Variants in AHCYL2 observed in about 807,000 individuals in gnomAD.
AHCYL2 encodes S-adenosylhomocysteine hydrolase-like protein 2.
A neutral mutation model predicts 81.4 loss-of-function variants in AHCYL2; 28 were observed. That is an observed-to-expected ratio of 0.34 (90% confidence interval 0.25 to 0.47). The LOEUF (loss-of-function observed/expected upper bound fraction) is 0.47. AHCYL2 is among the 20% of genes least tolerant of loss of function. AHCYL2 has a pLI of 1.00. For synonymous variants in AHCYL2, 272 were observed against 290.2 expected, an observed-to-expected ratio of 0.94 and a Z score of 0.64; for missense variants, 551 against 785.1, an observed-to-expected ratio of 0.70 and a Z score of 3.56.
intron 13 of AHCYL2, among the ~76,000 whole-genome samples, chr7:129,423,449 A>C (rs1214779527): frequency 6.6e-6 from 1 of 152,124 alleles, no homozygotes; most frequent in Admixed American, 6.5e-5. Context: ...ATATTTCCCC[A>C]TCCTAGCTCC....
Position 129,323,667 on chromosome 7 carries a change from A to G in AHCYL2, c.364-55971A>G, listed in dbSNP as rs111697061. On this transcript the variant is annotated intron_variant, in intron 1 of 16. Transcript: ENST00000325006. ...GAGAAAGGTATTGAAATTTGTAGTT[A>G]GAATTGTAGGTTTGTCTATTCCTTT... Among the ~76,000 whole-genome samples, 389 of 152,216 alleles carry G rather than the reference A, an allele frequency of 2.6e-3. 4 individuals are homozygous for G. Among genetic ancestry groups the G allele is most frequent in the African/African-American group, 9.1e-3 (380 of 41,536 alleles).
At chr7:129,396,613 A>G (rs1425397330) in intron 4 of AHCYL2, among the ~76,000 whole-genome samples, 3 of 151,856 alleles carry the variant, frequency 2.0e-5, no homozygotes, top group Non-Finnish European at 4.4e-5. Flanking sequence ...TAGTAGAGAT[A>G]GGGTTTCACC....
chr7:129,231,165 G>A (rs66970518), intron 1 of AHCYL2, among the ~76,000 whole-genome samples: 38,450 of 151,756 alleles, frequency 0.25, 4,969 homozygotes, highest in East Asian at 0.42. Flanking sequence ...GCTTGAATGC[G>A]GGAAGTGGAG....
rs2150939551 is a variant in AHCYL2 at position 129,405,852 on chromosome 7, G to C, written c.1159G>C (p.Asp387His). 6.2e-7 allele frequency: 1 copy of C among 1,613,508 alleles called. No homozygotes were observed. Among genetic ancestry groups the C allele is most frequent in the East Asian group, 2.2e-5 (1 of 44,856 alleles). ...TTCCCCTAGACTTAAAAGGACAACA[G>C]ACATGATGTTTGGTGGAAAGCAAGT... ...SILDGLKRTT[D>H]MMFGGKQVVV... Residue 387 changes from aspartate (D) to histidine (H), a missense_variant, in exon 9 of 17, where the codon GAC becomes CAC. Asp to His is a moderately conservative substitution (Grantham distance 81). This residue lies in a region of AHCYL2 where 316 missense variants were observed against 543.1 expected (regional missense o/e 0.58). Coordinates refer to ENST00000325006, the MANE Select transcript of AHCYL2 (RefSeq NM_015328.4).
intron 1 of AHCYL2, among the ~76,000 whole-genome samples, chr7:129,357,375 T>C (rs1793767073): frequency 6.6e-6 from 1 of 152,240 alleles, no homozygotes; most frequent in African/African-American, 2.4e-5. Flanking sequence ...GAAGTACATA[T>C]GGAAACTCTG....
At chr7:129,424,748 T>C in intron 13 of AHCYL2, 126 bp from the exon 14 acceptor site, 1 of 957,104 alleles carries the variant, frequency 1.0e-6, no homozygotes, top group Non-Finnish European at 1.7e-6. Flanking sequence ...ATTGAATAGC[T>C]GCTTTTTTTC....
In AHCYL2 at chr7:129,405,830, C is replaced by G; in HGVS notation, c.1143-6C>G. On this transcript the variant is annotated splice_polypyrimidine_tract_variant and splice_region_variant and intron_variant, in intron 8 of 16. Transcript: ENST00000325006. ...TTTTCTGATTTAATGTTTTTTTTTCCCCTAGACTTAAAAGGACAACAGACA... is the reference window on the plus strand; with the variant it reads ...TTTTCTGATTTAATGTTTTTTTTTCGCCTAGACTTAAAAGGACAACAGACA... 1 of 1,601,374 alleles carries G rather than the reference C, an allele frequency of 6.2e-7. No individual in the cohort carries two copies. Among genetic ancestry groups the G allele is most frequent in the Admixed American group, 1.7e-5 (1 of 59,112 alleles).
At chr7:129,350,098 G>A (rs1237366483) in intron 1 of AHCYL2, among the ~76,000 whole-genome samples, 1 of 152,086 alleles carries the variant, frequency 6.6e-6, no homozygotes, top group African/African-American at 2.4e-5. Context: ...ATAGAAGATG[G>A]GATTCTTGAC....
Position 129,283,727 on chromosome 7 carries a change from T to C in AHCYL2, c.363+58288T>C, listed in dbSNP as rs1043444909. On this transcript the variant is annotated intron_variant, in intron 1 of 16. Transcript: ENST00000325006. ...CTATGGTTGTGTGACTCAAACAATA[T>C]AGTACTTTTTGTACCACAGGCCCTG... Among the ~76,000 whole-genome samples, 12 of 152,312 alleles carry C rather than the reference T, an allele frequency of 7.9e-5. No individual in the cohort carries two copies. The South Asian group carries it at 1.2e-3, about 16-fold the overall frequency.
At chr7:129,262,417 A>C (rs1287323641) in intron 1 of AHCYL2, among the ~76,000 whole-genome samples, 1 of 152,220 alleles carries the variant, frequency 6.6e-6, no homozygotes, top group Non-Finnish European at 1.5e-5. Context: ...CAGTATTAGC[A>C]TGATCCAAGG....
intron 1 of AHCYL2, among the ~76,000 whole-genome samples, chr7:129,328,390 C>T (rs1411781649): frequency 6.6e-6 from 1 of 151,520 alleles, no homozygotes; most frequent in South Asian, 2.1e-4. Flanking sequence ...GCTGACCAGG[C>T]TGGTCTTGAA....
At chr7:129,246,175 C>A (rs1365849425) in intron 1 of AHCYL2, among the ~76,000 whole-genome samples, 1 of 152,008 alleles carries the variant, frequency 6.6e-6, no homozygotes, top group Non-Finnish European at 1.5e-5. Context: ...TCTCTTGCCT[C>A]AGCCTCCCGA....
chr7:129,242,438 C>T (rs1254149490), intron 1 of AHCYL2, among the ~76,000 whole-genome samples: 2 of 151,910 alleles, frequency 1.3e-5, no homozygotes, highest in Admixed American at 1.3e-4. Context: ...CTTATGGTGG[C>T]CGGGTGCAGT....
intron 11 of AHCYL2, among the ~76,000 whole-genome samples, chr7:129,413,126 G>C (rs566761424): frequency 1.2e-3 from 181 of 149,772 alleles, no homozygotes; most frequent in Middle Eastern, 7.2e-3. Flanking sequence ...ACAGGCATGA[G>C]TGAGCATGCC....
chr7:129,231,514 A>T (rs1049436870), intron 1 of AHCYL2, among the ~76,000 whole-genome samples: 2 of 152,180 alleles, frequency 1.3e-5, no homozygotes, highest in Non-Finnish European at 2.9e-5. Flanking sequence ...AGTTTGTTTC[A>T]TGGTGGTTTT....
At chr7:129,324,147 T>C (rs1430912824) in intron 1 of AHCYL2, among the ~76,000 whole-genome samples, 1 of 152,198 alleles carries the variant, frequency 6.6e-6, no homozygotes. Context: ...TGTCCCAAAG[T>C]GCTGGGATTA....
At chr7:129,341,970 A>G (rs981672788) in intron 1 of AHCYL2, among the ~76,000 whole-genome samples, 1 of 152,252 alleles carries the variant, frequency 6.6e-6, no homozygotes, top group Non-Finnish European at 1.5e-5. Context: ...AATTACAACC[A>G]TTAAACCACT....
Position 129,422,943 on chromosome 7 carries a change from G to C in AHCYL2, c.1560+5G>C. Reference sequence around the variant, plus strand: ...AGGATAGTACTGCTGGCAGAGGTAAGGCTGAGACTGGCAAAAATACTCCCC... The same window carrying C: ...AGGATAGTACTGCTGGCAGAGGTAACGCTGAGACTGGCAAAAATACTCCCC... On this transcript the variant is annotated splice_donor_5th_base_variant and intron_variant, in intron 13 of 16. Transcript: ENST00000325006. 2.5e-6 allele frequency: 4 copies of C among 1,613,636 alleles called. No homozygotes were observed. The highest frequency in any genetic ancestry group is 3.4e-6 in the Non-Finnish European group (4 of 1,179,708).
intron 10 of AHCYL2, among the ~76,000 whole-genome samples, chr7:129,408,158 G>C (rs1796390324): frequency 6.6e-6 from 1 of 152,130 alleles, no homozygotes; most frequent in African/African-American, 2.4e-5. Flanking sequence ...AGAACAGGCA[G>C]TCTCACTGAA....
Sources: allele counts gnomAD v4.1 joint callset (sites outside exome capture counted in the v4.1 genomes callset), GRCh38; gene constraint gnomAD v4.1.1; regional missense constraint gnomAD v4.1.1; transcripts MANE v1.5; gene names NCBI Gene and HGNC (gene_info 2026-07-23, HGNC 2026-07-21).